FOCAD: variants seen among roughly 807,000 people sequenced by gnomAD.
FOCAD encodes the protein focadhesin.
Under a neutral mutation model 225.6 loss-of-function variants are expected in FOCAD, and 198 were observed. The ratio of observed to expected loss-of-function variants is 0.88; its 90% CI spans 0.78 to 0.99. FOCAD has a LOEUF of 0.99. Among genes scored for constraint, FOCAD ranks in the 50% least tolerant of loss-of-function variants. FOCAD has a pLI of 0.00. For missense variants in FOCAD, 2,713 were observed against 2,123.6 expected, an observed-to-expected ratio of 1.28 and a Z score of -5.46; for synonymous variants, 897 against 755.0, an observed-to-expected ratio of 1.19 and a Z score of -3.08.
chr9:20,767,303 A>C lies in FOCAD; in HGVS notation c.699+2230A>C, dbSNP rs541364081. ...TAAACATACGTGTGCATGTGTCTTT[A>C]TAGCAGCAAGATTTATAGTCCTTTG... On this transcript the variant is annotated intron_variant, in intron 7 of 43. Coordinates refer to ENST00000338382, the MANE Select transcript of FOCAD (RefSeq NM_001375567.1). Among the ~76,000 whole-genome samples, 12 of 149,526 alleles carry C rather than the reference A, an allele frequency of 8.0e-5. No homozygotes were observed. In the East Asian group the frequency reaches 2.1e-3, roughly 27 times the overall value.
chr9:20,873,656 A>G (rs1829988762), intron 18 of FOCAD, among the ~76,000 whole-genome samples: 1 of 151,556 alleles, frequency 6.6e-6, no homozygotes, highest in South Asian at 2.1e-4. Context: ...GTTATGGTTG[A>G]AAGGCTTCAT....
chr9:20,667,193 G>A (rs1180924143), intron 2 of FOCAD, among the ~76,000 whole-genome samples: 2 of 152,150 alleles, frequency 1.3e-5, no homozygotes, highest in Non-Finnish European at 2.9e-5. Context: ...CATGTGAAAT[G>A]CACGTGTTAT....
chr9:20,869,779 G>T (rs1182998339), intron 18 of FOCAD, among the ~76,000 whole-genome samples: 1 of 152,142 alleles, frequency 6.6e-6, no homozygotes, highest in Non-Finnish European at 1.5e-5. Context: ...CCGATCTGAA[G>T]AGCTGAGGAT....
chr9:20,725,306 A>G (rs1234093824), intron 4 of FOCAD, among the ~76,000 whole-genome samples: 2 of 152,222 alleles, frequency 1.3e-5, no homozygotes, highest in Non-Finnish European at 2.9e-5. Flanking sequence ...ATTGGAATCT[A>G]AAGGCACTTT....
intron 1 of FOCAD, among the ~76,000 whole-genome samples, chr9:20,710,344 G>A (rs988705447): frequency 9.5e-5 from 14 of 147,970 alleles, no homozygotes; most frequent in East Asian, 4.0e-4. Flanking sequence ...ACCTGTAATC[G>A]CAGCACTTTG....
intron 5 of FOCAD, among the ~76,000 whole-genome samples, chr9:20,753,922 G>C (rs555410720): frequency 2.0e-5 from 3 of 152,032 alleles, no homozygotes; most frequent in Non-Finnish European, 4.4e-5. Context: ...CTATCCTTTT[G>C]AATAAAGTGT....
At chr9:20,802,426 T>C (rs1821947242) in intron 11 of FOCAD, among the ~76,000 whole-genome samples, 1 of 152,138 alleles carries the variant, frequency 6.6e-6, no homozygotes, top group South Asian at 2.1e-4. Context: ...ATGTAAGCTG[T>C]CTTCAAAGGG....
At chr9:20,951,477 A>G (rs1350501715) in intron 34 of FOCAD, among the ~76,000 whole-genome samples, 1 of 152,230 alleles carries the variant, frequency 6.6e-6, no homozygotes, top group Non-Finnish European at 1.5e-5. Flanking sequence ...TCTAGAAACT[A>G]GGAACCAGGT....
intron 10 of FOCAD, among the ~76,000 whole-genome samples, chr9:20,782,377 C>T (rs1175598608): frequency 4.6e-5 from 7 of 152,172 alleles, no homozygotes; most frequent in Non-Finnish European, 8.8e-5. Flanking sequence ...TAATATGGCA[C>T]CTCTTGCCGT....
intron 2 of FOCAD, among the ~76,000 whole-genome samples, chr9:20,671,406 A>C (rs1446597384): frequency 6.6e-6 from 1 of 152,176 alleles, no homozygotes; most frequent in Non-Finnish European, 1.5e-5. Context: ...GTCTTCTAAA[A>C]TCCTTAAGCT....
At chr9:20,942,992 C>T (rs1333044423) in intron 28 of FOCAD, among the ~76,000 whole-genome samples, 1 of 152,140 alleles carries the variant, frequency 6.6e-6, no homozygotes, top group African/African-American at 2.4e-5. Flanking sequence ...TCAAATGTGT[C>T]TAAGTATTAA....
At chr9:20,871,086 C>G (rs922477408) in intron 18 of FOCAD, among the ~76,000 whole-genome samples, 4 of 151,926 alleles carry the variant, frequency 2.6e-5, no homozygotes, top group African/African-American at 9.7e-5. Context: ...GGCCTGTAAT[C>G]CCAGCTACTC....
At chr9:20,770,288 C>A (rs752859974) in intron 8 of FOCAD, 50 bp downstream of exon 8, 37 of 1,485,632 alleles carry the variant, frequency 2.5e-5, no homozygotes, top group Non-Finnish European at 3.4e-5. Flanking sequence ...TTAAGAAATA[C>A]CTGAGACTTG....
intron 5 of FOCAD, among the ~76,000 whole-genome samples, chr9:20,753,144 T>C (rs190503072): frequency 0.013 from 1,983 of 152,176 alleles, 40 homozygotes; most frequent in African/African-American, 0.045. Flanking sequence ...AACTGAATAC[T>C]CTTTATTTCC....
At chr9:20,703,252 A>G (rs1263804499) in intron 1 of FOCAD, among the ~76,000 whole-genome samples, 1 of 152,090 alleles carries the variant, frequency 6.6e-6, no homozygotes, top group African/African-American at 2.4e-5. Flanking sequence ...TTATTTGAAC[A>G]ATTGAACAAG....
chr9:20,913,188 A>ACG (rs1554723015), intron 23 of FOCAD, among the ~76,000 whole-genome samples: 6 of 145,284 alleles, frequency 4.1e-5, no homozygotes, highest in Non-Finnish European at 9.1e-5. Context: ...ACACACACAC[A>ACG]CGTTCTAAAA....
intron 15 of FOCAD, among the ~76,000 whole-genome samples, chr9:20,848,861 C>G (rs1377917421): frequency 6.6e-6 from 1 of 151,244 alleles, no homozygotes; most frequent in Non-Finnish European, 1.5e-5. Context: ...TAAGTTGCTT[C>G]TATTATTATT....
intron 1 of FOCAD, among the ~76,000 whole-genome samples, chr9:20,695,674 AC>A (rs1356584524): frequency 6.6e-6 from 1 of 152,152 alleles, no homozygotes; most frequent in Non-Finnish European, 1.5e-5. Flanking sequence ...CTACTAACTT[AC>A]CTGTCTCCTC....
chr9:20,731,338 G>C (rs901889318), intron 4 of FOCAD, among the ~76,000 whole-genome samples: 9 of 152,136 alleles, frequency 5.9e-5, no homozygotes, highest in Non-Finnish European at 1.3e-4. Context: ...GATATTACAT[G>C]AATTTCATCT....
Sources: gnomAD v4.1 joint callset for allele counts (sites outside exome capture counted in the v4.1 genomes callset) on GRCh38, gnomAD v4.1.1 for gene constraint, MANE v1.5 for transcripts, NCBI Gene and HGNC (gene_info 2026-07-23, HGNC 2026-07-21) for gene names.